LSAMP: variants seen among roughly 807,000 people sequenced by gnomAD.
LSAMP encodes limbic system associated membrane protein.
A neutral mutation model predicts 38.6 loss-of-function variants in LSAMP; 7 were observed. The observed-to-expected ratio is 0.18, with a 90% CI of 0.10 to 0.34. The LOEUF (loss-of-function observed/expected upper bound fraction) is 0.34, where lower values mean the gene tolerates loss of function less well. Among genes scored for constraint, LSAMP ranks in the 10% least tolerant of loss-of-function variants. The pLI is 1.00. For synonymous variants in LSAMP, 154 were observed against 166.8 expected (o/e 0.92, Z 0.59); for missense variants, 313 against 420.0 (o/e 0.75, Z 2.23).
At chr3:116,262,340 G>GTGAT (rs1285930025) in intron 1 of LSAMP, among the ~76,000 whole-genome samples, 1 of 152,186 alleles carries the variant, frequency 6.6e-6, no homozygotes, top group Non-Finnish European at 1.5e-5. Context: ...ATCCTAGACT[G>GTGAT]TGATGTGAGA....
intron 1 of LSAMP, among the ~76,000 whole-genome samples, chr3:116,252,471 T>C (rs1157823410): frequency 6.6e-6 from 1 of 152,148 alleles, no homozygotes. Flanking sequence ...GTCTTTGAAG[T>C]AGCTAAAGAA....
Position 115,854,278 on chromosome 3 carries a change from TATTA to T in LSAMP, c.515-1665_515-1662del, listed in dbSNP as rs1386561594. On this transcript the variant is annotated intron_variant, in intron 3 of 6. Transcript: ENST00000490035. ...TTATTATTATTATTATTATTATTAT[TATTA>T]TTTTTTTTTTTTTTTTTTGAGATGG... Among the ~76,000 whole-genome samples, 347 of 110,342 alleles carry T rather than the reference TATTA, an allele frequency of 3.1e-3. 5 individuals carry two copies. Among genetic ancestry groups the T allele is most frequent in the African/African-American group, 5.3e-3 (149 of 28,002 alleles). The allele number at this position is 110,342 out of a possible 152,430, so 72.4% of individuals were successfully genotyped here. A position where few individuals can be genotyped will look rare whatever the true frequency, so the allele number is the denominator to read the frequency against.
intron 1 of LSAMP, among the ~76,000 whole-genome samples, chr3:116,437,587 G>A (rs984991863): frequency 2.0e-5 from 3 of 151,450 alleles, no homozygotes; most frequent in Admixed American, 6.6e-5. Flanking sequence ...AGAAGAGAGA[G>A]GGAAAAGGGG....
At chr3:116,011,912 T>C (rs1309601974) in intron 3 of LSAMP, among the ~76,000 whole-genome samples, 1 of 152,188 alleles carries the variant, frequency 6.6e-6, no homozygotes, top group African/African-American at 2.4e-5. Context: ...AGACCTGAGA[T>C]TGTCCCCCTT....
At chr3:116,194,377 TTTTGTTTGTTTGTTTG>T (rs138140039) in intron 1 of LSAMP, among the ~76,000 whole-genome samples, 6 of 151,108 alleles carry the variant, frequency 4.0e-5, no homozygotes, top group African/African-American at 9.8e-5. Flanking sequence ...GGGAATTGTT[TTTTGTTTGTTTGTTTG>T]TTTGTTTGTT....
intron 6 of LSAMP, among the ~76,000 whole-genome samples, chr3:115,823,510 G>A (rs1934313699): frequency 6.6e-6 from 1 of 152,190 alleles, no homozygotes; most frequent in Non-Finnish European, 1.5e-5. Context: ...TATCTCTAAG[G>A]AGAGGGATTA....
chr3:116,129,517 G>A (rs1187256550), intron 1 of LSAMP, among the ~76,000 whole-genome samples: 1 of 152,186 alleles, frequency 6.6e-6, no homozygotes, highest in Non-Finnish European at 1.5e-5. Context: ...ACACACCACA[G>A]TTATGTGAAG....
chr3:116,128,959 A>G (rs1244282923), intron 1 of LSAMP, among the ~76,000 whole-genome samples: 1 of 152,202 alleles, frequency 6.6e-6, no homozygotes, highest in Non-Finnish European at 1.5e-5. Flanking sequence ...CATCCCTGAA[A>G]GGTTTTATTT....
intron 1 of LSAMP, among the ~76,000 whole-genome samples, chr3:116,242,421 G>C (rs1372661564): frequency 6.6e-6 from 1 of 152,170 alleles, no homozygotes. Context: ...AAATTTAAAA[G>C]CTTTCTGGAT....
chr3:115,932,729 A>G (rs371488779), intron 3 of LSAMP, among the ~76,000 whole-genome samples: 1 of 151,406 alleles, frequency 6.6e-6, no homozygotes, highest in East Asian at 1.9e-4. Context: ...CTTTTCCAAC[A>G]TGGTAGTCAT....
intron 1 of LSAMP, among the ~76,000 whole-genome samples, chr3:116,161,271 G>A (rs1033797972): frequency 6.6e-6 from 1 of 152,170 alleles, no homozygotes; most frequent in Non-Finnish European, 1.5e-5. Context: ...AACACTTTCT[G>A]CAGAGTGTTT....
intron 3 of LSAMP, among the ~76,000 whole-genome samples, chr3:115,888,348 C>A (rs1260243503): frequency 6.6e-6 from 1 of 151,810 alleles, no homozygotes; most frequent in African/African-American, 2.4e-5. Context: ...CCACCCCAGG[C>A]CTTTTCTTTT....
At chr3:116,290,911 T>A (rs1463043643) in intron 1 of LSAMP, among the ~76,000 whole-genome samples, 1 of 152,060 alleles carries the variant, frequency 6.6e-6, no homozygotes, top group Non-Finnish European at 1.5e-5. Flanking sequence ...ATCTCCTGTA[T>A]CTCTTCTTGC....
intron 3 of LSAMP, among the ~76,000 whole-genome samples, chr3:115,871,802 A>G (rs1029101276): frequency 6.6e-6 from 1 of 152,146 alleles, no homozygotes; most frequent in Non-Finnish European, 1.5e-5. Context: ...AAGCAGGAAT[A>G]CCATCTGAGT....
At chr3:116,304,848 G>A (rs1201863085) in intron 1 of LSAMP, among the ~76,000 whole-genome samples, 1 of 152,080 alleles carries the variant, frequency 6.6e-6, no homozygotes, top group Admixed American at 6.6e-5. Context: ...GGATCCTATT[G>A]GTGGGGAAGA....
At chr3:116,012,679 G>GAA (rs1940364573) in intron 3 of LSAMP, among the ~76,000 whole-genome samples, 1 of 152,110 alleles carries the variant, frequency 6.6e-6, no homozygotes, top group African/African-American at 2.4e-5. Context: ...AATCCCCGTG[G>GAA]TTATTGTGCT....
chr3:116,403,906 A>G (rs1204770725), intron 1 of LSAMP, among the ~76,000 whole-genome samples: 2 of 150,182 alleles, frequency 1.3e-5, no homozygotes, highest in Non-Finnish European at 2.9e-5. Flanking sequence ...GTGTACTACT[A>G]CACTACCATG....
intron 2 of LSAMP, among the ~76,000 whole-genome samples, chr3:116,062,881 G>T (rs1647765692): frequency 1.3e-5 from 2 of 152,138 alleles, no homozygotes. Flanking sequence ...TCATAAAACT[G>T]TAAAACTGTA....
At chr3:115,847,597 G>A (rs538369419) in intron 4 of LSAMP, among the ~76,000 whole-genome samples, 2 of 152,226 alleles carry the variant, frequency 1.3e-5, no homozygotes, top group South Asian at 4.2e-4. Flanking sequence ...TTGAATCATG[G>A]GGGCAGTTCC....
Sources: allele counts gnomAD v4.1 joint callset (sites outside exome capture counted in the v4.1 genomes callset), GRCh38; gene constraint gnomAD v4.1.1; transcripts MANE v1.5; gene names NCBI Gene and HGNC (gene_info 2026-07-23, HGNC 2026-07-21).